Variants in FYCO1 observed in about 807,000 individuals in gnomAD.
FYCO1 encodes FYVE and coiled-coil domain-containing protein 1.
FYCO1 carries 122 observed loss-of-function variants against 165.1 expected under a neutral mutation model. The observed-to-expected ratio is 0.74, with a 90% CI of 0.64 to 0.86. The LOEUF is 0.86. Among genes scored for constraint, FYCO1 ranks in the 40% least tolerant of loss-of-function variants. FYCO1 has a pLI of 0.00. For missense variants in FYCO1, 1,702 were observed against 1,810.3 expected (o/e 0.94, Z 1.09); for synonymous variants, 648 against 742.5 (o/e 0.87, Z 2.07).
In FYCO1 at chr3:45,947,033, C is replaced by T. The variant is rs61751654; in HGVS notation, c.3944+8216G>A. The T allele has an allele frequency of 5.6e-3, 9,001 of 1,614,196 alleles. 38 individuals carry two copies. Among genetic ancestry groups the T allele is most frequent in the Non-Finnish European group, 6.5e-3 (7,639 of 1,180,018 alleles). ...ACAAGCTCATATGTGGTTACCATGA[C>T]GAGGCAATTTCCACTGTGGTTCTTG... On this transcript the variant is annotated intron_variant, in intron 14 of 17. Coordinates refer to ENST00000296137, the MANE Select transcript of FYCO1 (RefSeq NM_024513.4).
Position 45,967,887 on chromosome 3 carries a change from A to C in FYCO1, c.1447T>G (p.Trp483Gly). 1 of 1,613,902 alleles carries C rather than the reference A, an allele frequency of 6.2e-7. No homozygotes were observed. Among genetic ancestry groups the C allele is most frequent in the South Asian group, 1.1e-5 (1 of 91,060 alleles). ...LQELLAHTSS[W>G]EEELAELRRE... ...CTCAACTCTGCTAGCTCCTCCTCCC[A>C]GGAGCTCGTGTGGGCCAGCAACTCC... Residue 483 changes from tryptophan (W) to glycine (G), a missense_variant, in exon 8 of 18, where the codon TGG becomes GGG. Physicochemically the swap from Trp to Gly is radical, Grantham distance 184. Transcript: ENST00000296137.
At chr3:45,931,316 T>G (rs1226110764) in intron 15 of FYCO1, 35 bp from the exon 16 acceptor site, 1 of 1,600,520 alleles carries the variant, frequency 6.2e-7, no homozygotes, top group East Asian at 2.2e-5. Context: ...CCTGATTGAC[T>G]GGGCAAAGTG....
intron 14 of FYCO1, among the ~76,000 whole-genome samples, chr3:45,943,741 G>A (rs1704391213): frequency 6.6e-6 from 1 of 152,140 alleles, no homozygotes; most frequent in Admixed American, 6.5e-5. Flanking sequence ...GAAAACTACT[G>A]AACATGTTTC....
At position 45,958,613 on chromosome 3, in the gene FYCO1, A is replaced by G. The variant is rs1434590285; in HGVS notation, c.3594T>C (p.Cys1198=). ...WMVRRHHCRI[C]GRIFCYYCCN... The stretch of plus-strand genomic sequence containing the variant: ...AGCAGTAGTAACAGAAGATGCGGCC[A>G]CATATCCTGGGAACAAAACAAGCCC... Residue 1198 remains cysteine (C), a synonymous_variant, in exon 13 of 18, where the codon TGT becomes TGC. Transcript: ENST00000296137. The G allele has an allele frequency of 6.2e-7, 1 of 1,614,204 alleles. No individual in the cohort carries two copies.
intron 1 of FYCO1, among the ~76,000 whole-genome samples, chr3:45,994,988 A>T (rs1432544151): frequency 6.6e-6 from 1 of 152,160 alleles, no homozygotes; most frequent in Non-Finnish European, 1.5e-5. Context: ...CCACGCGGTT[A>T]ACGTGTCAAC....
intron 13 of FYCO1, among the ~76,000 whole-genome samples, chr3:45,956,637 G>T (rs1180233281): frequency 6.6e-6 from 1 of 150,838 alleles, no homozygotes. Context: ...GCCAGGGATT[G>T]TTTTTTTTTC....
chr3:45,952,891 G>A (rs971618411), intron 14 of FYCO1, among the ~76,000 whole-genome samples: 1 of 152,162 alleles, frequency 6.6e-6, no homozygotes, highest in African/African-American at 2.4e-5. Context: ...TAGTGCTAGT[G>A]GAATGGAACA....
intron 11 of FYCO1, among the ~76,000 whole-genome samples, chr3:45,961,086 A>C (rs1705674177): frequency 6.6e-6 from 1 of 152,198 alleles, no homozygotes; most frequent in Non-Finnish European, 1.5e-5. Context: ...TAGAGAGATG[A>C]TAGGGAAACC....
At chr3:45,975,938 G>A (rs1163263967) in intron 4 of FYCO1, among the ~76,000 whole-genome samples, 1 of 152,224 alleles carries the variant, frequency 6.6e-6, no homozygotes, top group Non-Finnish European at 1.5e-5. Flanking sequence ...CCGTGTAACT[G>A]CCTCATCTGT....
Position 45,921,846 on chromosome 3 carries a change from G to A in FYCO1, c.4362-6C>T. ...ATACCTTTTTAGAGACAAACCTGAG[G>A]AAACAGAAATGGAAAGGGAGGGTGT... On this transcript the variant is annotated splice_polypyrimidine_tract_variant and splice_region_variant and intron_variant, in intron 17 of 17. Coordinates refer to ENST00000296137, the MANE Select transcript of FYCO1 (RefSeq NM_024513.4). 4.4e-6 allele frequency: 7 copies of A among 1,601,334 alleles called. No individual in the cohort carries two copies. The highest frequency in any genetic ancestry group is 6.0e-6 in the Non-Finnish European group (7 of 1,168,424).
chr3:45,947,516 G>A (rs746357307), intron 14 of FYCO1: 87 of 1,608,154 alleles, frequency 5.4e-5, no homozygotes, highest in Non-Finnish European at 3.4e-6. Context: ...TATAGGCCTT[G>A]CCAGGGTTTC....
chr3:45,958,373 G>A, intron 13 of FYCO1, 35 bp downstream of exon 13: 9 of 1,587,138 alleles, frequency 5.7e-6, no homozygotes, highest in Non-Finnish European at 6.9e-6. Flanking sequence ...GTGGCACCTA[G>A]AGAACATAGT....
At chr3:45,983,118 T>C (rs1227704237) in intron 2 of FYCO1, among the ~76,000 whole-genome samples, 2 of 152,218 alleles carry the variant, frequency 1.3e-5, no homozygotes, top group Non-Finnish European at 2.9e-5. Flanking sequence ...AAGTGGGTGT[T>C]ATCATCAAAC....
At position 45,939,818 on chromosome 3, in the gene FYCO1, C is replaced by T. The variant is rs138573058; in HGVS notation, c.3945-3275G>A. Among the ~76,000 whole-genome samples, 51 of 152,342 alleles carry T rather than the reference C, an allele frequency of 3.3e-4. 1 individual carries two copies. In the East Asian group the frequency reaches 9.5e-3, roughly 28 times the overall value. ...ACTCTTCAATACAGTAGCCACTAGC[C>T]ATATGTGGCTATATAAACTTAAATT... On this transcript the variant is annotated intron_variant, in intron 14 of 17. Transcript: ENST00000296137.
At chr3:45,930,604 C>G (rs1482995409) in intron 16 of FYCO1, among the ~76,000 whole-genome samples, 1 of 152,174 alleles carries the variant, frequency 6.6e-6, no homozygotes, top group Non-Finnish European at 1.5e-5. Flanking sequence ...TACCTGCCAC[C>G]AAGATTTCAA....
At chr3:45,943,070 C>T (rs966646053) in intron 14 of FYCO1, among the ~76,000 whole-genome samples, 1 of 152,224 alleles carries the variant, frequency 6.6e-6, no homozygotes, top group Non-Finnish European at 1.5e-5. Flanking sequence ...ACAGCTATCA[C>T]ATATGCTGGA....
intron 10 of FYCO1, among the ~76,000 whole-genome samples, chr3:45,963,789 G>A (rs1705835237): frequency 6.6e-6 from 1 of 152,202 alleles, no homozygotes; most frequent in Admixed American, 6.5e-5. Flanking sequence ...GGGTCAAGGA[G>A]GCCTTGGGTG....
chr3:45,961,276 T>G (rs1010388971), intron 11 of FYCO1, among the ~76,000 whole-genome samples: 6 of 152,144 alleles, frequency 3.9e-5, no homozygotes, highest in Non-Finnish European at 7.4e-5. Context: ...ACACTGTGGT[T>G]GTTTAAAATG....
rs1483300487 is a variant in FYCO1, at chr3:45,993,483, C to A, written c.-113+2239G>T. ...ACCACAGAAACATTCCAATTCCCAC[C>A]CTATTGATTTATTTAATTGCTCAGA... On this transcript the variant is annotated intron_variant, in intron 1 of 17. Transcript: ENST00000296137. The surrounding 1 kb of genome is among the most constrained non-coding windows in gnomAD (Gnocchi z 4.4). Among the ~76,000 whole-genome samples, 2 of 152,184 alleles carry A rather than the reference C, an allele frequency of 1.3e-5. No individual in the cohort carries two copies. Among genetic ancestry groups the A allele is most frequent in the East Asian group, 1.9e-4 (1 of 5,200 alleles).
Sources: gnomAD v4.1 joint callset for allele counts (sites outside exome capture counted in the v4.1 genomes callset) on GRCh38, gnomAD v4.1.1 for gene constraint, Gnocchi (gnomAD v3.1) non-coding constraint, MANE v1.5 for transcripts, NCBI Gene and HGNC (gene_info 2026-07-23, HGNC 2026-07-21) for gene names.